Variants in CCHCR1 observed in about 807,000 individuals in gnomAD.
CCHCR1 encodes the protein HCR (a-helix coiled-coil rod homologue).
In CCHCR1, 91 loss-of-function variants were observed where a neutral mutation model predicts 114.6. The ratio of observed to expected loss-of-function variants is 0.79; its 90% CI spans 0.67 to 0.94. The LOEUF (loss-of-function observed/expected upper bound fraction) is 0.94, where lower values mean the gene tolerates loss of function less well. CCHCR1 is among the 40% of genes least tolerant of loss of function. The pLI, the probability that CCHCR1 is intolerant of heterozygous loss-of-function variation, is 0.00. For synonymous variants in CCHCR1, 379 were observed against 428.5 expected (o/e 0.88, Z 1.43); for missense variants, 899 against 1,079.9 (o/e 0.83, Z 2.35).
intron 10 of CCHCR1, among the ~76,000 whole-genome samples, chr6:31,147,417 A>T (rs57243444): frequency 0.017 from 2,284 of 136,018 alleles, 80 homozygotes; most frequent in East Asian, 0.1. Flanking sequence ...AAAAAAAAAA[A>T]AAAAAGAACT....
chr6:31,148,757 C>G (rs984155006), intron 8 of CCHCR1, 29 bp from the exon 9 acceptor site: 10 of 1,359,418 alleles, frequency 7.4e-6, no homozygotes, highest in Non-Finnish European at 9.5e-6. Context: ...CTAGGCAGGG[C>G]CCTCTAGAGC....
chr6:31,154,651 T>A lies in CCHCR1; in HGVS notation c.646A>T (p.Met216Leu). The A allele has an allele frequency of 6.2e-7, 1 of 1,612,438 alleles. No homozygotes were observed. Among genetic ancestry groups the A allele is most frequent in the East Asian group, 2.2e-5 (1 of 44,888 alleles). Reference sequence around the variant, plus strand: ...GCCCGTGCCAGAGCCTCTAGCTCCATGGCCTGGGCCTCTAGCCTCATCTTC... The same window carrying A: ...GCCCGTGCCAGAGCCTCTAGCTCCAAGGCCTGGGCCTCTAGCCTCATCTTC... ...QQKMRLEAQAMELEALARAEK... is the reference protein window; with the variant it reads ...QQKMRLEAQALELEALARAEK... Residue 216 changes from methionine to leucine, a missense_variant, in exon 4 of 18, where the codon ATG becomes TTG. Physicochemically the swap from Met to Leu is conservative, Grantham distance 15. Coordinates refer to ENST00000396268, the MANE Select transcript of CCHCR1 (RefSeq NM_001105564.2). This position sits in a 1 kb window ranked among gnomAD's most constrained non-coding sequence, Gnocchi z 4.1.
At chr6:31,155,465 A>G (rs3130451) in intron 3 of CCHCR1, among the ~76,000 whole-genome samples, 113,261 of 151,632 alleles carry the variant, frequency 0.75, 42,335 homozygotes, top group Middle Eastern at 0.85. Context: ...CTAGCTGGGC[A>G]TGGTGGCAGG....
Position 31,148,703 on chromosome 6 carries a change from G to A in CCHCR1, c.1388C>T (p.Thr463Ile). 6.2e-7 allele frequency: 1 copy of A among 1,612,766 alleles called. No individual in the cohort carries two copies. Among genetic ancestry groups the A allele is most frequent in the East Asian group, 2.2e-5 (1 of 44,876 alleles). The change falls in exon 9 of 18, where the codon ACA (threonine) becomes ATA (isoleucine). Residue 463 changes from threonine (T) to isoleucine (I), a missense_variant. Transcript: ENST00000396268. ...GQVASLQEKV[T>I]SQSQEQAILQ... ...GATGGCCTGCTCCTGGCTCTGGGAT[G>A]TCACTTTTTCCTGGAGTGAGGCCAC...
At chr6:31,152,138 A>C (rs1472443505) in intron 4 of CCHCR1, among the ~76,000 whole-genome samples, 1 of 152,018 alleles carries the variant, frequency 6.6e-6, no homozygotes, top group African/African-American at 2.4e-5. Flanking sequence ...CTATTAAAAT[A>C]CAAAAAATTA....
chr6:31,150,424 G>C lies in CCHCR1; in HGVS notation c.1212+31C>G. 1 of 1,570,260 alleles carries C rather than the reference G, an allele frequency of 6.4e-7. No individual in the cohort carries two copies. Among genetic ancestry groups the C allele is most frequent in the Non-Finnish European group, 8.7e-7 (1 of 1,143,942 alleles). On this transcript the variant is annotated intron_variant, in intron 7 of 17. Coordinates refer to ENST00000396268, the MANE Select transcript of CCHCR1 (RefSeq NM_001105564.2). This position sits in a 1 kb window ranked among gnomAD's most constrained non-coding sequence, Gnocchi z 5.3. The stretch of plus-strand genomic sequence containing the variant: ...GGGACAGTAGATGCAGGATGCGGCT[G>C]AGGGTGAGGGGTCTGGGGGTTGGGC...
At position 31,148,353 on chromosome 6, in the gene CCHCR1, G is replaced by T. The variant is rs1561804475; in HGVS notation, c.1580+52C>A. The T allele has an allele frequency of 3.4e-6, 4 of 1,180,450 alleles. No individual in the cohort carries two copies. The Admixed American group carries it at 7.9e-5, about 23-fold the overall frequency. 73.1% of individuals were successfully genotyped at this position (1,180,450 alleles called of 1,614,324 possible). On this transcript the variant is annotated intron_variant, in intron 10 of 17. Coordinates refer to ENST00000396268, the MANE Select transcript of CCHCR1 (RefSeq NM_001105564.2). Reference sequence around the variant, plus strand: ...AGGATCCTCAGCAACAAGGTGCCCAGGAACCTGAGGTGGCAGAAACACTAC... The same window carrying T: ...AGGATCCTCAGCAACAAGGTGCCCATGAACCTGAGGTGGCAGAAACACTAC...
chr6:31,146,947 A>C (rs9263751), intron 10 of CCHCR1, among the ~76,000 whole-genome samples: 24,148 of 152,182 alleles, frequency 0.16, 2,031 homozygotes, highest in South Asian at 0.17. Flanking sequence ...TTTAAAGCTA[A>C]ATTAGTCCCT....
Position 31,150,147 on chromosome 6 carries a change from C to T in CCHCR1, c.1281G>A (p.Arg427=), listed in dbSNP as rs1774996370. 1 of 1,614,208 alleles carries T rather than the reference C, an allele frequency of 6.2e-7. No homozygotes were observed. ...RKCQSLLNRW[R]EKVFALMVQL... is the part of the protein sequence containing the mutation. ...GCACCATGAGGGCAAACACCTTCTC[C>T]CGCCAGCGGTTCAGCAGGGACTGGC... Residue 427 remains arginine, a synonymous_variant, in exon 8 of 18, where the codon CGG becomes CGA. Coordinates refer to ENST00000396268, the MANE Select transcript of CCHCR1 (RefSeq NM_001105564.2). This position sits in a 1 kb window ranked among gnomAD's most constrained non-coding sequence, Gnocchi z 5.3.
At chr6:31,142,894 G>C (rs1265085) in intron 17 of CCHCR1, 69 bp downstream of exon 17, 317,249 of 1,538,770 alleles carry the variant, frequency 0.21, 34,281 homozygotes, top group East Asian at 0.34. Context: ...CTCATCATGC[G>C]AGAGTCTGAA....
chr6:31,147,620 T>C (rs1226787236), intron 10 of CCHCR1, among the ~76,000 whole-genome samples: 2 of 152,064 alleles, frequency 1.3e-5, no homozygotes, highest in African/African-American at 4.8e-5. Flanking sequence ...ACATTTTAGA[T>C]GGAATAGTAA....
intron 17 of CCHCR1, 22 bp downstream of exon 17, chr6:31,142,940 TC>T: frequency 6.2e-7 from 1 of 1,608,038 alleles, no homozygotes; most frequent in Non-Finnish European, 8.5e-7. Context: ...TTGTCCCTTG[TC>T]CCTTTGTGCT....
chr6:31,155,208 G>C (rs1418177581), intron 3 of CCHCR1, among the ~76,000 whole-genome samples: 6 of 152,104 alleles, frequency 3.9e-5, no homozygotes, highest in African/African-American at 1.4e-4. Context: ...AACACACAGG[G>C]ACTTCTCAAT....
intron 4 of CCHCR1, among the ~76,000 whole-genome samples, chr6:31,152,768 G>A (rs1775429381): frequency 6.6e-6 from 1 of 152,056 alleles, no homozygotes; most frequent in African/African-American, 2.4e-5. Flanking sequence ...GAGCCACTGT[G>A]CCCAGCCTGC....
At chr6:31,147,534 T>C (rs1774531314) in intron 10 of CCHCR1, among the ~76,000 whole-genome samples, 1 of 151,930 alleles carries the variant, frequency 6.6e-6, no homozygotes, top group Non-Finnish European at 1.5e-5. Context: ...ACAACAATTG[T>C]AGGTAATGAA....
chr6:31,152,968 G>A (rs898423124), intron 4 of CCHCR1, among the ~76,000 whole-genome samples: 1 of 151,814 alleles, frequency 6.6e-6, no homozygotes, highest in African/African-American at 2.4e-5. Flanking sequence ...CCTCTTCACT[G>A]GCCAACTCCT....
At chr6:31,147,399 C>CAA (rs9278998) in intron 10 of CCHCR1, among the ~76,000 whole-genome samples, 6,155 of 125,974 alleles carry the variant, frequency 0.049, 270 homozygotes, top group African/African-American at 0.1. Context: ...GACTCTGTCT[C>CAA]AAAAAAAAAA....
Position 31,150,398 on chromosome 6 carries a change from G to C in CCHCR1, c.1212+57C>G, listed in dbSNP as rs1775036467. On this transcript the variant is annotated intron_variant, in intron 7 of 17. Transcript: ENST00000396268. This position sits in a 1 kb window ranked among gnomAD's most constrained non-coding sequence, Gnocchi z 5.3. Reference sequence around the variant, plus strand: ...CCTCCTGCCCACAGGGAGGGAGGCAGGGGACAGTAGATGCAGGATGCGGCT... The same window carrying C: ...CCTCCTGCCCACAGGGAGGGAGGCACGGGACAGTAGATGCAGGATGCGGCT... The C allele has an allele frequency of 6.8e-7, 1 of 1,478,046 alleles. No homozygotes were observed. The highest frequency in any genetic ancestry group is 1.4e-5 in the African/African-American group (1 of 72,514). The allele number at this position is 1,478,046 out of a possible 1,614,324, so 91.6% of individuals were successfully genotyped here. A position where few individuals can be genotyped will look rare whatever the true frequency, so the allele number is the denominator to read the frequency against.
Position 31,143,444 on chromosome 6 carries a change from G to T in CCHCR1, c.2168-31C>A. ...GAGAGGCCAAGGCACAGAGGAGGCAGGTGTGAGTCAGGCCAGAGGCAGCCA... is the reference window on the plus strand; with the variant it reads ...GAGAGGCCAAGGCACAGAGGAGGCATGTGTGAGTCAGGCCAGAGGCAGCCA... On this transcript the variant is annotated intron_variant, in intron 15 of 17. Transcript: ENST00000396268. This position sits in a 1 kb window ranked among gnomAD's most constrained non-coding sequence, Gnocchi z 5.3. The T allele has an allele frequency of 6.2e-7, 1 of 1,609,012 alleles. No homozygotes were observed.
Sources: gnomAD v4.1 joint callset for allele counts (sites outside exome capture counted in the v4.1 genomes callset) on GRCh38, gnomAD v4.1.1 for gene constraint, Gnocchi (gnomAD v3.1) non-coding constraint, MANE v1.5 for transcripts, NCBI Gene and HGNC (gene_info 2026-07-23, HGNC 2026-07-21) for gene names.